RIMS2: variants seen among roughly 807,000 people sequenced by gnomAD.
RIMS2 encodes regulating synaptic membrane exocytosis 2.
A neutral mutation model predicts 174.4 loss-of-function variants in RIMS2; 59 were observed. The ratio of observed to expected loss-of-function variants is 0.34; its 90% CI spans 0.27 to 0.42. RIMS2 has a LOEUF of 0.42. Among genes scored for constraint, RIMS2 ranks in the 10% least tolerant of loss-of-function variants. The pLI, the probability that RIMS2 is intolerant of heterozygous loss-of-function variation, is 1.00. For missense variants in RIMS2, 1,620 were observed against 1,666.3 expected, an observed-to-expected ratio of 0.97 and a Z score of 0.48; for synonymous variants, 606 against 572.5, an observed-to-expected ratio of 1.06 and a Z score of -0.84.
At chr8:103,687,532 G>T (rs1012067060) in intron 1 of RIMS2, among the ~76,000 whole-genome samples, 2 of 151,918 alleles carry the variant, frequency 1.3e-5, no homozygotes, top group African/African-American at 4.8e-5. Context: ...TTTGTGGTGA[G>T]AACAAAGTCT....
At chr8:104,242,804 A>G (rs1266290082) in intron 19 of RIMS2, among the ~76,000 whole-genome samples, 1 of 152,238 alleles carries the variant, frequency 6.6e-6, no homozygotes, top group African/African-American at 2.4e-5. Flanking sequence ...CTGGAGGTGC[A>G]TATGATTGTC....
intron 3 of RIMS2, among the ~76,000 whole-genome samples, chr8:103,876,594 C>CCCTTT (rs2099138365): frequency 1.3e-5 from 2 of 150,718 alleles, no homozygotes; most frequent in African/African-American, 4.9e-5. Flanking sequence ...TATCCCTCAC[C>CCCTTT]CCCTTCCCAC....
chr8:103,517,764 C>T (rs913237678), intron 1 of RIMS2, among the ~76,000 whole-genome samples: 3 of 151,978 alleles, frequency 2.0e-5, no homozygotes, highest in Non-Finnish European at 4.4e-5. Flanking sequence ...CTGCATTTTG[C>T]AGGGAGTGTC....
At chr8:104,255,481 G>C (rs1453084332), downstream of RIMS2, 1 of 152,030 alleles carries the variant, frequency 6.6e-6, no homozygotes, top group African/African-American at 2.4e-5. Flanking sequence ...GCAACTCCCA[G>C]CTCACGAATG....
At chr8:104,104,258 A>G (rs925192275) in intron 19 of RIMS2, among the ~76,000 whole-genome samples, 1 of 152,192 alleles carries the variant, frequency 6.6e-6, no homozygotes, top group Non-Finnish European at 1.5e-5. Context: ...TACAATGGAC[A>G]AATTAAAGGG....
At chr8:104,099,843 A>G (rs1422745012) in intron 19 of RIMS2, among the ~76,000 whole-genome samples, 1 of 149,792 alleles carries the variant, frequency 6.7e-6, no homozygotes, top group Non-Finnish European at 1.5e-5. Context: ...TTGAGACAGC[A>G]TCTCACTGTG....
chr8:103,581,421 A>G (rs1235071457), intron 1 of RIMS2, among the ~76,000 whole-genome samples: 1 of 152,214 alleles, frequency 6.6e-6, no homozygotes, highest in Non-Finnish European at 1.5e-5. Flanking sequence ...ATGAAATTTG[A>G]CATCCTTTTA....
intron 5 of RIMS2, chr8:103,910,356 C>T (rs2075429275): frequency 6.3e-7 from 1 of 1,597,254 alleles, no homozygotes; most frequent in South Asian, 1.1e-5. Context: ...AACTAGTGAG[C>T]AGGCAGTTTT....
chr8:104,064,842 A>AT (rs2097075945), intron 19 of RIMS2, among the ~76,000 whole-genome samples: 1 of 151,960 alleles, frequency 6.6e-6, no homozygotes, highest in Non-Finnish European at 1.5e-5. Flanking sequence ...TCTCAATCAA[A>AT]TTTTTTTACA....
chr8:103,658,027 G>A (rs2096552398), intron 1 of RIMS2, among the ~76,000 whole-genome samples: 1 of 152,190 alleles, frequency 6.6e-6, no homozygotes, highest in African/African-American at 2.4e-5. Flanking sequence ...CGATACCGTA[G>A]TTGCTTCTAC....
intron 19 of RIMS2, among the ~76,000 whole-genome samples, chr8:104,160,195 A>T (rs1315483111): frequency 6.6e-6 from 1 of 152,064 alleles, no homozygotes; most frequent in African/African-American, 2.4e-5. Context: ...ACTTATTTGC[A>T]TTTGTCCAAA....
intron 19 of RIMS2, among the ~76,000 whole-genome samples, chr8:104,190,567 A>T (rs184695410): frequency 1.3e-5 from 2 of 152,078 alleles, no homozygotes; most frequent in African/African-American, 4.8e-5. Context: ...CAAGTCTCCA[A>T]ATATTTTGAT....
At chr8:104,012,785 G>A (rs1001786412) in intron 17 of RIMS2, among the ~76,000 whole-genome samples, 1 of 152,112 alleles carries the variant, frequency 6.6e-6, no homozygotes, top group African/African-American at 2.4e-5. Flanking sequence ...AAGAGATCAT[G>A]TTGTTTCAGA....
At chr8:103,602,230 G>A (rs202230410) in intron 1 of RIMS2, among the ~76,000 whole-genome samples, 17 of 151,974 alleles carry the variant, frequency 1.1e-4, no homozygotes, top group African/African-American at 1.9e-4. Context: ...CTCATGATCC[G>A]CCCGCCTCGG....
chr8:103,960,945 A>G lies in RIMS2; in HGVS notation c.2702-120A>G, dbSNP rs370757374. The G allele has an allele frequency of 2.0e-4, 138 of 693,148 alleles. No individual in the cohort carries two copies. The African/African-American group carries it at 2.1e-3, about 11-fold the overall frequency. 42.9% of individuals were successfully genotyped at this position (693,148 alleles called of 1,614,324 possible). ...AAGCTCATAAGGACTTTTCTTCTGT[A>G]CATATTTTTTGTTATTAACTGATTC... On this transcript the variant is annotated intron_variant, in intron 14 of 23. Coordinates refer to ENST00000504942, the Ensembl canonical transcript of RIMS2.
intron 3 of RIMS2, chr8:103,768,368 A>C: frequency 1.4e-6 from 1 of 728,272 alleles, no homozygotes; most frequent in East Asian, 2.6e-5. Context: ...TTTTTATGAG[A>C]AGCATATGGC....
rs79026830 is a variant in RIMS2 at position 103,930,175 on chromosome 8, T to G, written c.2245-1088T>G. Among the ~76,000 whole-genome samples the G allele has an allele frequency of 9.8e-3, 1,495 of 151,968 alleles. 19 individuals carry two copies. The highest frequency in any genetic ancestry group is 0.046 in the South Asian group (222 of 4,824). On this transcript the variant is annotated intron_variant, in intron 11 of 23. Coordinates refer to ENST00000504942, the Ensembl canonical transcript of RIMS2. ...TTCCTATAAAAGGGCTGATTCCATT[T>G]GGCAAAAAAAAAGATAGAAATAATT...
intron 15 of RIMS2, among the ~76,000 whole-genome samples, chr8:103,965,351 A>G (rs2091521840): frequency 6.6e-6 from 1 of 151,982 alleles, no homozygotes; most frequent in Non-Finnish European, 1.5e-5. Context: ...TCTCATGTAG[A>G]TCTTATACAT....
intron 2 of RIMS2, among the ~76,000 whole-genome samples, chr8:103,722,096 G>A (rs1591087189): frequency 6.6e-6 from 1 of 152,080 alleles, no homozygotes; most frequent in East Asian, 1.9e-4. Flanking sequence ...TTGGCCAGGT[G>A]TGGTGGCTCA....
Sources: allele counts gnomAD v4.1 joint callset (sites outside exome capture counted in the v4.1 genomes callset), GRCh38; gene constraint gnomAD v4.1.1; transcripts MANE v1.5; gene names NCBI Gene and HGNC (gene_info 2026-07-23, HGNC 2026-07-21).